Variants in SLC25A43 observed in about 807,000 individuals in gnomAD.
SLC25A43 encodes solute carrier family 25, member 43.
Under a neutral mutation model 22.8 loss-of-function variants are expected in SLC25A43, and 10 were observed. The observed-to-expected ratio is 0.44, with a 90% confidence interval of 0.27 to 0.74. The LOEUF (loss-of-function observed/expected upper bound fraction) is 0.74. SLC25A43 is among the 30% of genes least tolerant of loss of function. The pLI is 0.17. For missense variants in SLC25A43, 233 were observed against 279.1 expected, an observed-to-expected ratio of 0.83 and a Z score of 1.18; for synonymous variants, 106 against 121.6, an observed-to-expected ratio of 0.87 and a Z score of 0.84.
chrX:119,444,855 C>A (rs968986049), intron 3 of SLC25A43, among the ~76,000 whole-genome samples: 5 of 108,495 alleles, frequency 4.6e-5, no homozygotes, highest in Middle Eastern at 4.7e-3. Context: ...GCCAACATGG[C>A]AAAACCCTGT....
chrX:119,451,077 C>T (rs1354516571), intron 3 of SLC25A43, among the ~76,000 whole-genome samples: 2 of 111,290 alleles, frequency 1.8e-5, no homozygotes, highest in Non-Finnish European at 3.8e-5. Context: ...ACAGGAGAAT[C>T]GCTTGAACCC....
At chrX:119,442,095 A>C (rs1175067357) in intron 3 of SLC25A43, among the ~76,000 whole-genome samples, 1 of 72,268 alleles carries the variant, frequency 1.4e-5, no homozygotes, top group Non-Finnish European at 2.8e-5. Flanking sequence ...ATCTCAAAAA[A>C]TAATAATAAT....
At chrX:119,451,814 A>C in intron 3 of SLC25A43, 195 bp from the exon 4 acceptor site, 11 of 1,032,472 alleles carry the variant, frequency 1.1e-5, no homozygotes, top group Admixed American at 4.1e-5. Flanking sequence ...TGGACAGGGT[A>C]TCATGATTGT....
At chrX:119,417,060 C>A (rs903377404) in intron 3 of SLC25A43, among the ~76,000 whole-genome samples, 1 of 111,341 alleles carries the variant, frequency 9.0e-6, no homozygotes, top group Non-Finnish European at 1.9e-5. Flanking sequence ...TAGCTTCCTC[C>A]CCATAGTGGG....
intron 3 of SLC25A43, among the ~76,000 whole-genome samples, chrX:119,447,975 A>G (rs1254085558): frequency 9.0e-6 from 1 of 111,370 alleles, no homozygotes; most frequent in Admixed American, 9.6e-5. Context: ...GCTAACAAGC[A>G]TTGCGCAGTT....
intron 3 of SLC25A43, among the ~76,000 whole-genome samples, chrX:119,420,496 C>T (rs2052442719): frequency 9.1e-6 from 1 of 110,220 alleles, no homozygotes; most frequent in African/African-American, 3.3e-5. Context: ...GATGAGGTCT[C>T]CTGGTCTCCT....
intron 3 of SLC25A43, among the ~76,000 whole-genome samples, chrX:119,431,997 T>C (rs1569373455): frequency 1.8e-5 from 2 of 108,178 alleles, no homozygotes; most frequent in Non-Finnish European, 3.8e-5. Context: ...CTACTAAAAA[T>C]ACAAAACAGC....
chrX:119,421,056 G>A (rs766985876), intron 3 of SLC25A43, among the ~76,000 whole-genome samples: 5 of 100,795 alleles, frequency 5.0e-5, no homozygotes, highest in African/African-American at 1.8e-4. Context: ...AGGTTGCAGT[G>A]AGTTGAGATT....
intron 1 of SLC25A43, among the ~76,000 whole-genome samples, chrX:119,403,988 G>T (rs1318276984): frequency 1.1e-5 from 1 of 90,451 alleles, no homozygotes; most frequent in Non-Finnish European, 2.1e-5. Context: ...ACAAGTCCAG[G>T]CCTCCAGAAC....
chrX:119,429,330 G>A (rs1258035069), intron 3 of SLC25A43, among the ~76,000 whole-genome samples: 1 of 111,476 alleles, frequency 9.0e-6, no homozygotes, highest in Non-Finnish European at 1.9e-5. Flanking sequence ...GATTACAGGC[G>A]TGAGCTGCCG....
At chrX:119,450,686 C>G (rs747864292) in intron 3 of SLC25A43, among the ~76,000 whole-genome samples, 2 of 111,875 alleles carry the variant, frequency 1.8e-5, no homozygotes, top group African/African-American at 6.5e-5. Flanking sequence ...CCACAGAATG[C>G]CATATAGCCC....
intron 3 of SLC25A43, among the ~76,000 whole-genome samples, chrX:119,447,113 C>T (rs193241985): frequency 5.8e-4 from 64 of 111,132 alleles, no homozygotes; most frequent in African/African-American, 2.1e-3. Context: ...ACCACCATGC[C>T]CAGCTCATTT....
At chrX:119,410,888 C>CAAAAAAAAGAAA (rs201479452) in intron 3 of SLC25A43, among the ~76,000 whole-genome samples, 3 of 106,277 alleles carry the variant, frequency 2.8e-5, no homozygotes, top group African/African-American at 3.5e-5. Flanking sequence ...GACTATGTCT[C>CAAAAAAAAGAAA]AAAAAAAAGA....
At chrX:119,441,944 G>A (rs1466420854) in intron 3 of SLC25A43, among the ~76,000 whole-genome samples, 2 of 111,060 alleles carry the variant, frequency 1.8e-5, no homozygotes, top group Non-Finnish European at 3.8e-5. Context: ...AAAAAAATTA[G>A]CCAGGCCTGG....
rs191233705 is a variant in SLC25A43, at chrX:119,409,307, A to G, written c.518-883A>G. Among the ~76,000 whole-genome samples the G allele has an allele frequency of 5.8e-3, 629 of 108,983 alleles. 6 individuals are homozygous for G. Among genetic ancestry groups the G allele is most frequent in the African/African-American group, 0.02 (609 of 29,908 alleles). The allele number at this position is 108,983 out of a possible 115,157, so 94.6% of individuals were successfully genotyped here. ...GCGATTCTCGTGCCTCAGCCTCCCAAGTAGCTGAGATTACAGGCACGCACC... is the reference window on the plus strand; with the variant it reads ...GCGATTCTCGTGCCTCAGCCTCCCAGGTAGCTGAGATTACAGGCACGCACC... On this transcript the variant is annotated intron_variant, in intron 2 of 4. Coordinates refer to ENST00000217909, the MANE Select transcript of SLC25A43 (RefSeq NM_145305.3).
intron 3 of SLC25A43, among the ~76,000 whole-genome samples, chrX:119,427,237 C>G (rs2052514434): frequency 8.9e-6 from 1 of 111,807 alleles, no homozygotes; most frequent in African/African-American, 3.2e-5. Flanking sequence ...CACTTTGGGT[C>G]TCCCCAACCC....
Position 119,453,387 on chromosome X carries a change from CT to C in SLC25A43, c.*323del. 1 of 238,450 alleles carries C rather than the reference CT, an allele frequency of 4.2e-6. No individual in the cohort carries two copies. Among genetic ancestry groups the C allele is most frequent in the Non-Finnish European group, 7.5e-6 (1 of 133,687 alleles). The allele number at this position is 238,450 out of a possible 1,213,427, so 19.7% of individuals were successfully genotyped here. A position where few individuals can be genotyped will look rare whatever the true frequency, so the allele number is the denominator to read the frequency against. On this transcript the variant is annotated 3_prime_UTR_variant, in exon 5 of 5. Transcript: ENST00000217909. ...CAAAGAAAGGGCATTGCCATGACAT[CT>C]CAAAGCAACAGGTAATTGAAGTGGC...
At chrX:119,433,236 C>T (rs948596847) in intron 3 of SLC25A43, among the ~76,000 whole-genome samples, 2 of 112,126 alleles carry the variant, frequency 1.8e-5, no homozygotes, top group African/African-American at 6.5e-5. Flanking sequence ...GTTGATGTCG[C>T]AGTTTAAATC....
At chrX:119,426,104 TGCTGTCAAGA>T in intron 3 of SLC25A43, 1 of 355,440 alleles carries the variant, frequency 2.8e-6, no homozygotes, top group Non-Finnish European at 3.6e-6. Context: ...AGGAAAGGTC[TGCTGTCAAGA>T]GGGAGGACCC....
Sources: gnomAD v4.1 joint callset for allele counts (sites outside exome capture counted in the v4.1 genomes callset) on GRCh38, gnomAD v4.1.1 for gene constraint, MANE v1.5 for transcripts, NCBI Gene and HGNC (gene_info 2026-07-23, HGNC 2026-07-21) for gene names.